LRP2: variants seen among roughly 807,000 people sequenced by gnomAD.
LRP2 encodes low-density lipoprotein receptor-related protein 2.
LRP2 carries 172 observed loss-of-function variants against 531.0 expected under a neutral mutation model. That is an observed-to-expected ratio of 0.32 (90% CI 0.29 to 0.37). LRP2 has a LOEUF of 0.37. LRP2 is among the 10% of genes least tolerant of loss of function. The pLI, the probability that LRP2 is intolerant of heterozygous loss-of-function variation, is 1.00. For synonymous variants in LRP2, 1,992 were observed against 2,027.6 expected, an observed-to-expected ratio of 0.98 and a Z score of 0.47; for missense variants, 5,167 against 5,868.3, an observed-to-expected ratio of 0.88 and a Z score of 3.90.
chr2:169,277,552 T>C (rs567037436), intron 13 of LRP2, among the ~76,000 whole-genome samples, 193 bp downstream of exon 13: 2 of 152,266 alleles, frequency 1.3e-5, no homozygotes, highest in South Asian at 4.1e-4. Context: ...ACCTCTTGTG[T>C]TATGGGACAC....
rs138900473 is a variant in LRP2 at position 169,285,664 on chromosome 2, C to T, written c.1043-2663G>A. On this transcript the variant is annotated intron_variant, in intron 9 of 78. Coordinates refer to ENST00000649046, the MANE Select transcript of LRP2 (RefSeq NM_004525.3). Reference sequence around the variant, plus strand: ...ATCCATCTGGCTGTGTGAAACCCCACCATGCTGAATGACCTCCCTGCCCTC... The same window carrying T: ...ATCCATCTGGCTGTGTGAAACCCCATCATGCTGAATGACCTCCCTGCCCTC... Among the ~76,000 whole-genome samples the T allele has an allele frequency of 3.1e-3, 468 of 152,250 alleles. 3 individuals carry two copies. The highest frequency in any genetic ancestry group is 0.024 in the Middle Eastern group (7 of 294).
chr2:169,245,747 G>T (rs1252696004), intron 21 of LRP2, among the ~76,000 whole-genome samples: 1 of 152,208 alleles, frequency 6.6e-6, no homozygotes, highest in African/African-American at 2.4e-5. Flanking sequence ...TAACATGGGA[G>T]AAAAGGAATA....
chr2:169,206,678 C>T lies in LRP2; in HGVS notation c.7042G>A (p.Glu2348Lys), dbSNP rs1261267001. 1 of 1,614,034 alleles carries T rather than the reference C, an allele frequency of 6.2e-7. No homozygotes were observed. Among genetic ancestry groups the T allele is most frequent in the East Asian group, 2.2e-5 (1 of 44,884 alleles). The change falls in exon 39 of 79, where the codon GAA (glutamate) becomes AAA (lysine). Residue 2348 changes from glutamate to lysine, a missense_variant. Physicochemically the swap from Glu to Lys is moderately conservative, Grantham distance 56. Coordinates refer to ENST00000649046, the MANE Select transcript of LRP2 (RefSeq NM_004525.3). ...AGATGAGAGCACCCACCATTGTTTT[C>T]CAAGCAAGGGTTGTTGTTGACCTCT... Reference protein sequence around the residue: ...PAEVNNNPCLENNGGCSHLCF... With the variant: ...PAEVNNNPCLKNNGGCSHLCF...
At chr2:169,302,817 T>C (rs1684319237) in intron 4 of LRP2, among the ~76,000 whole-genome samples, 1 of 152,056 alleles carries the variant, frequency 6.6e-6, no homozygotes, top group East Asian at 1.9e-4. Flanking sequence ...TTGAAAGGCT[T>C]ATGAGACATA....
At chr2:169,242,000 T>C (rs1482606411) in intron 24 of LRP2, among the ~76,000 whole-genome samples, 1 of 152,226 alleles carries the variant, frequency 6.6e-6, no homozygotes, top group Non-Finnish European at 1.5e-5. Flanking sequence ...CCAGCGGCAA[T>C]TGACAGTTTA....
At chr2:169,201,525 G>A (rs1688202102) in intron 44 of LRP2, 103 bp downstream of exon 44, 1 of 1,492,712 alleles carries the variant, frequency 6.7e-7, no homozygotes, top group African/African-American at 1.4e-5. Flanking sequence ...TAAATACTTA[G>A]GGTTTTTATT....
rs1687910328 is a variant in LRP2, at chr2:169,193,751, C to T, written c.8830+10G>A. The T allele has an allele frequency of 1.2e-6, 2 of 1,614,070 alleles. No homozygotes were observed. The highest frequency in any genetic ancestry group is 1.7e-6 in the Non-Finnish European group (2 of 1,180,028). ...GTGACTCTGCAGAGGAATTAATTGGCTTCACTTACGACACTGGTGCCTTTT... is the reference window on the plus strand; with the variant it reads ...GTGACTCTGCAGAGGAATTAATTGGTTTCACTTACGACACTGGTGCCTTTT... On this transcript the variant is annotated intron_variant, in intron 47 of 78. Coordinates refer to ENST00000649046, the MANE Select transcript of LRP2 (RefSeq NM_004525.3).
At chr2:169,208,911 A>C (rs1317099767) in intron 38 of LRP2, among the ~76,000 whole-genome samples, 2 of 152,168 alleles carry the variant, frequency 1.3e-5, no homozygotes, top group Non-Finnish European at 2.9e-5. Flanking sequence ...GGGTTATTCA[A>C]GCTTATGTGC....
rs756137964 is a variant in LRP2 at position 169,176,451 on chromosome 2, T to C, written c.10531A>G (p.Met3511Val). ...CACAGGAACTGGGTGCTGGAGCACA[T>C]GGGCATGCAGTAGGTGCTGCCACTC... ...QLSGSTYCMP[M>V]CSSTQFLCAN... The change falls in exon 54 of 79, where the codon ATG becomes GTG. Residue 3511 changes from methionine (M) to valine (V), a missense_variant. Met to Val is a conservative substitution (Grantham distance 21). This residue lies in a region of LRP2 where 311 missense variants were observed against 309.4 expected (regional missense o/e 1.01). Coordinates refer to ENST00000649046, the MANE Select transcript of LRP2 (RefSeq NM_004525.3). 2 of 1,614,156 alleles carry C rather than the reference T, an allele frequency of 1.2e-6. No individual in the cohort carries two copies. Among genetic ancestry groups the C allele is most frequent in the Non-Finnish European group, 8.5e-7 (1 of 1,180,030 alleles).
At chr2:169,226,646 A>T in intron 31 of LRP2, 58 bp from the exon 32 acceptor site, 1 of 1,330,370 alleles carries the variant, frequency 7.5e-7, no homozygotes, top group Non-Finnish European at 1.1e-6. Context: ...AGACATTTAG[A>T]GTAATGGAAG....
chr2:169,322,377 C>T (rs539389537), intron 1 of LRP2, among the ~76,000 whole-genome samples: 26 of 152,274 alleles, frequency 1.7e-4, no homozygotes, highest in Non-Finnish European at 4.4e-5. Context: ...TCAGAAACTT[C>T]GCTTGGCTAA....
chr2:169,206,339 T>A lies in LRP2; in HGVS notation c.7381A>T (p.Ile2461Phe), dbSNP rs1688386254. 6.2e-7 allele frequency: 1 copy of A among 1,613,574 alleles called. No individual in the cohort carries two copies. Among genetic ancestry groups the A allele is most frequent in the Admixed American group, 1.7e-5 (1 of 59,960 alleles). The part of the protein sequence containing the change: ...LSSGIHTPTV[I>F]ASGIGTADGI... Reference sequence around the variant, plus strand: ...CCTGGAGTGCACTTACCTGAAGCAATGACAGTTGGAGTATGGATCCCTGAA... The same window carrying A: ...CCTGGAGTGCACTTACCTGAAGCAAAGACAGTTGGAGTATGGATCCCTGAA... The change falls in exon 39 of 79, where the codon ATT becomes TTT. Residue 2461 changes from isoleucine to phenylalanine, a missense_variant. Ile to Phe is a conservative substitution (Grantham distance 21). Coordinates refer to ENST00000649046, the MANE Select transcript of LRP2 (RefSeq NM_004525.3).
chr2:169,305,481 G>A (rs1010120957), intron 4 of LRP2, among the ~76,000 whole-genome samples: 1 of 152,116 alleles, frequency 6.6e-6, no homozygotes, highest in African/African-American at 2.4e-5. Flanking sequence ...ATCAAAGGAA[G>A]GAATTTAGAG....
intron 16 of LRP2, among the ~76,000 whole-genome samples, chr2:169,264,295 G>A (rs1690703808): frequency 6.6e-6 from 1 of 151,858 alleles, no homozygotes; most frequent in African/African-American, 2.4e-5. Context: ...AGGTTGCTCA[G>A]CATACGAACT....
intron 3 of LRP2, among the ~76,000 whole-genome samples, chr2:169,316,687 G>A (rs899993030): frequency 1.3e-5 from 2 of 152,110 alleles, no homozygotes; most frequent in African/African-American, 4.8e-5. Context: ...AAAAATCTGG[G>A]TTGTAAACAC....
At position 169,225,051 on chromosome 2, in the gene LRP2, A is replaced by G. The variant is rs144456728; in HGVS notation, c.5538+259T>C. Among the ~76,000 whole-genome samples the G allele has an allele frequency of 5.6e-3, 847 of 152,262 alleles. 4 individuals are homozygous for G. Among genetic ancestry groups the G allele is most frequent in the African/African-American group, 0.02 (816 of 41,550 alleles). On this transcript the variant is annotated intron_variant, in intron 33 of 78. Coordinates refer to ENST00000649046, the MANE Select transcript of LRP2 (RefSeq NM_004525.3). Reference sequence around the variant, plus strand: ...GGTTGCAGTGAGCCAAGGTCTTGCCACTGCACTCCAGCCTGGGCGACAGAG... The same window carrying G: ...GGTTGCAGTGAGCCAAGGTCTTGCCGCTGCACTCCAGCCTGGGCGACAGAG...
chr2:169,162,104 C>G (rs1686609290), intron 63 of LRP2, among the ~76,000 whole-genome samples: 1 of 152,220 alleles, frequency 6.6e-6, no homozygotes, highest in African/African-American at 2.4e-5. Context: ...TGCTAAGAGG[C>G]ACCCAGTGGA....
chr2:169,136,766 G>A (rs992101547), intron 76 of LRP2, among the ~76,000 whole-genome samples: 2 of 151,866 alleles, frequency 1.3e-5, no homozygotes, highest in Non-Finnish European at 2.9e-5. Flanking sequence ...GACTCAGCCC[G>A]CCTGCACCCA....
At chr2:169,301,080 T>C (rs1313134448) in intron 4 of LRP2, among the ~76,000 whole-genome samples, 1 of 152,142 alleles carries the variant, frequency 6.6e-6, no homozygotes, top group Non-Finnish European at 1.5e-5. Context: ...AAAGCCTTCA[T>C]TGTAACAGGG....
Sources: gnomAD v4.1 joint callset for allele counts (sites outside exome capture counted in the v4.1 genomes callset) on GRCh38, gnomAD v4.1.1 for gene constraint, gnomAD v4.1.1 regional missense constraint, MANE v1.5 for transcripts, NCBI Gene and HGNC (gene_info 2026-07-23, HGNC 2026-07-21) for gene names.